The following TPRG1 variants were observed in gnomAD, a reference collection of about 807,000 sequenced individuals.
TPRG1 encodes the protein tumor protein p63 regulated 1.
Under a neutral mutation model 29.3 loss-of-function variants are expected in TPRG1, and 29 were observed. The observed-to-expected ratio is 0.99, with a 90% CI of 0.74 to 1.35. The LOEUF (loss-of-function observed/expected upper bound fraction) is 1.35, where lower values mean the gene tolerates loss of function less well. Among genes scored for constraint, TPRG1 ranks in the 40% most tolerant of loss-of-function variants. TPRG1 has a pLI of 0.00. For synonymous variants in TPRG1, 130 were observed against 116.8 expected, an observed-to-expected ratio of 1.11 and a Z score of -0.73; for missense variants, 327 against 335.0, an observed-to-expected ratio of 0.98 and a Z score of 0.19.
chr3:189,313,489 A>G (rs1472468124), intron 5 of TPRG1, among the ~76,000 whole-genome samples: 3 of 152,238 alleles, frequency 2.0e-5, no homozygotes, highest in Non-Finnish European at 4.4e-5. Flanking sequence ...AAGCAATTTA[A>G]TTCAGTTTAA....
At chr3:189,017,585 T>C (rs1167296899) in intron 3 of TPRG1, among the ~76,000 whole-genome samples, 2 of 152,242 alleles carry the variant, frequency 1.3e-5, no homozygotes, top group African/African-American at 2.4e-5. Flanking sequence ...CTGCATAGTA[T>C]TCCATGGTGT....
intron 3 of TPRG1, among the ~76,000 whole-genome samples, chr3:189,216,414 T>A (rs554462262): frequency 1.3e-5 from 2 of 152,348 alleles, no homozygotes; most frequent in Non-Finnish European, 2.9e-5. Context: ...AGAGCCATTA[T>A]CACCTGTGAG....
intron 4 of TPRG1, among the ~76,000 whole-genome samples, chr3:189,262,879 C>G (rs1006680212): frequency 6.6e-6 from 1 of 152,218 alleles, no homozygotes; most frequent in South Asian, 2.1e-4. Context: ...GCCTTGCTGG[C>G]AGCTGGCCAG....
At chr3:189,030,340 T>A (rs1044678673) in intron 4 of TPRG1, among the ~76,000 whole-genome samples, 1 of 152,228 alleles carries the variant, frequency 6.6e-6, no homozygotes, top group African/African-American at 2.4e-5. Context: ...TAAATTTAAA[T>A]TCAAGTTTAC....
chr3:189,208,986 G>A (rs1401404726), intron 2 of TPRG1, among the ~76,000 whole-genome samples: 2 of 152,184 alleles, frequency 1.3e-5, no homozygotes, highest in Non-Finnish European at 2.9e-5. Flanking sequence ...AGGAAATAGG[G>A]AAAAAGGAAT....
intron 5 of TPRG1, among the ~76,000 whole-genome samples, chr3:189,164,233 A>T (rs1727861907): frequency 6.6e-6 from 1 of 151,742 alleles, no homozygotes; most frequent in African/African-American, 2.4e-5. Context: ...TGCGATCTCC[A>T]CTCACTGCAA....
chr3:189,203,837 C>A (rs1021853609), intron 1 of TPRG1, among the ~76,000 whole-genome samples: 4 of 151,932 alleles, frequency 2.6e-5, no homozygotes, highest in African/African-American at 9.7e-5. Context: ...GTCCAGAGAT[C>A]AAGACCATCC....
chr3:189,110,910 T>C (rs1208327869), intron 1 of TPRG1, among the ~76,000 whole-genome samples: 1 of 151,494 alleles, frequency 6.6e-6, no homozygotes, highest in African/African-American at 2.4e-5. Context: ...TGTGTTCATA[T>C]ATATTTATAT....
intron 4 of TPRG1, among the ~76,000 whole-genome samples, chr3:189,065,883 A>T (rs924617131): frequency 6.6e-6 from 1 of 152,210 alleles, no homozygotes; most frequent in Non-Finnish European, 1.5e-5. Context: ...TGAAGATGAC[A>T]TGATTATCTT....
chr3:189,039,221 A>C (rs1357771616), intron 4 of TPRG1, among the ~76,000 whole-genome samples: 1 of 152,238 alleles, frequency 6.6e-6, no homozygotes, highest in East Asian at 1.9e-4. Flanking sequence ...GAAATGGAGC[A>C]CAGTGAACCC....
chr3:189,157,771 C>T (rs1040484454), intron 5 of TPRG1, among the ~76,000 whole-genome samples: 1 of 152,144 alleles, frequency 6.6e-6, no homozygotes, highest in Non-Finnish European at 1.5e-5. Flanking sequence ...TCCCTGTCCT[C>T]CTTCCTAAGC....
chr3:189,116,814 G>A (rs763212242), intron 1 of TPRG1, among the ~76,000 whole-genome samples: 10 of 152,168 alleles, frequency 6.6e-5, no homozygotes, highest in African/African-American at 1.9e-4. Flanking sequence ...TTTAATGGGT[G>A]TAGAGTTTTA....
intron 1 of TPRG1, among the ~76,000 whole-genome samples, chr3:189,121,013 T>C (rs1721767550): frequency 6.6e-6 from 1 of 152,196 alleles, no homozygotes; most frequent in Non-Finnish European, 1.5e-5. Context: ...GATGACGCAG[T>C]ACTACATTGA....
intron 3 of TPRG1, among the ~76,000 whole-genome samples, chr3:189,145,669 A>T (rs1042207101): frequency 2.6e-5 from 4 of 152,200 alleles, no homozygotes; most frequent in African/African-American, 9.7e-5. Flanking sequence ...AATTAATAGC[A>T]ATAACATTAA....
intron 1 of TPRG1, among the ~76,000 whole-genome samples, chr3:189,186,075 C>T (rs1730877325): frequency 6.6e-6 from 1 of 152,084 alleles, no homozygotes; most frequent in Non-Finnish European, 1.5e-5. Context: ...AAGCTTTAGG[C>T]AGCAAGTTAT....
At chr3:189,148,042 G>T (rs975604697) in intron 4 of TPRG1, among the ~76,000 whole-genome samples, 2 of 152,208 alleles carry the variant, frequency 1.3e-5, no homozygotes, top group Non-Finnish European at 2.9e-5. Context: ...ATACAAGGCT[G>T]CCTAAGGTTC....
chr3:189,062,473 G>T (rs542021472), intron 4 of TPRG1, among the ~76,000 whole-genome samples: 1 of 152,052 alleles, frequency 6.6e-6, no homozygotes, highest in Non-Finnish European at 1.5e-5. Context: ...AATTTTTTTG[G>T]ACTGTTAGGA....
At chr3:189,019,216 C>G (rs981705256) in intron 3 of TPRG1, among the ~76,000 whole-genome samples, 8 of 151,334 alleles carry the variant, frequency 5.3e-5, no homozygotes, top group Non-Finnish European at 8.8e-5. Context: ...AATTGAATAC[C>G]CTTTATTTCC....
chr3:189,073,666 A>C lies in TPRG1; in HGVS notation c.-463+49720A>C, dbSNP rs187240546. ...TTCTATATGTCAAAACATTACAAAA[A>C]CAATGTGCTCAGAAAAGTGTCACAT... On this transcript the variant is annotated intron_variant, in intron 4 of 10. Transcript: ENST00000433971. 3.3e-3 allele frequency among the ~76,000 whole-genome samples: 501 copies of C among 152,314 alleles called. 2 individuals carry two copies. The highest frequency in any genetic ancestry group is 0.014 in the South Asian group (69 of 4,824).
Sources: gnomAD v4.1 joint callset for allele counts (sites outside exome capture counted in the v4.1 genomes callset) on GRCh38, gnomAD v4.1.1 for gene constraint, MANE v1.5 for transcripts, NCBI Gene and HGNC (gene_info 2026-07-23, HGNC 2026-07-21) for gene names.